The following KEAP1 variants were observed in gnomAD, a reference collection of about 807,000 sequenced individuals.
KEAP1 encodes kelch-like ECH-associated protein 1.
In KEAP1, 26 loss-of-function variants were observed where a neutral mutation model predicts 59.7. That is an observed-to-expected ratio of 0.44 (90% CI 0.32 to 0.60). The LOEUF is 0.60. Ranked by LOEUF, KEAP1 falls within the 20% of genes least tolerant of loss-of-function variation. KEAP1 has a pLI of 0.06. For missense variants in KEAP1, 539 were observed against 871.4 expected, an observed-to-expected ratio of 0.62 and a Z score of 4.80; for synonymous variants, 350 against 358.3, an observed-to-expected ratio of 0.98 and a Z score of 0.26.
intron 2 of KEAP1, among the ~76,000 whole-genome samples, chr19:10,496,061 C>T (rs1322744185): frequency 1.3e-5 from 2 of 151,918 alleles, no homozygotes; most frequent in Admixed American, 6.6e-5. Context: ...TGGTAGCTCA[C>T]GCCTGTAGTC....
rs1042518597 is a variant in KEAP1 at position 10,502,316 on chromosome 19, C to G, written c.-48+925G>C. 6.6e-6 allele frequency: 1 copy of G among 152,378 alleles called. No individual in the cohort carries two copies. 9.4% of individuals were successfully genotyped at this position (152,378 alleles called of 1,614,324 possible). A position where few individuals can be genotyped will look rare whatever the true frequency, so the allele number is the denominator to read the frequency against. The stretch of plus-strand genomic sequence containing the variant: ...CGGGCACTTCCCCCACCCTACAAAG[C>G]GGCAAGTGGGCGACTGCGCATGCCC... On this transcript the variant is annotated intron_variant, in intron 1 of 5. Coordinates refer to ENST00000171111, the MANE Select transcript of KEAP1 (RefSeq NM_203500.2). This position sits in a 1 kb window ranked among gnomAD's most constrained non-coding sequence, Gnocchi z 4.0.
In KEAP1 at chr19:10,502,171, TG is replaced by T. The variant is rs1915065131; in HGVS notation, c.-48+1069del. On this transcript the variant is annotated intron_variant, in intron 1 of 5. Coordinates refer to ENST00000171111, the MANE Select transcript of KEAP1 (RefSeq NM_203500.2). This position sits in a 1 kb window ranked among gnomAD's most constrained non-coding sequence, Gnocchi z 4.0. The stretch of plus-strand genomic sequence containing the variant: ...TGGTTGGCTAACTGCCCTGCCACCG[TG>T]CCTGCCAGAGCGGCCTCCTCCACCC... Among the ~76,000 whole-genome samples the T allele has an allele frequency of 6.6e-6, 1 of 152,180 alleles. No individual in the cohort carries two copies. The highest frequency in any genetic ancestry group is 2.4e-5 in the African/African-American group (1 of 41,470).
chr19:10,498,876 C>T (rs1027547541), intron 2 of KEAP1, among the ~76,000 whole-genome samples: 6 of 150,904 alleles, frequency 4.0e-5, no homozygotes, highest in African/African-American at 7.3e-5. Context: ...TGCTCTGTTG[C>T]GCAAGCTGGA....
At chr19:10,486,919 G>T in intron 5 of KEAP1, 101 bp from the exon 6 acceptor site, 1 of 1,273,338 alleles carries the variant, frequency 7.9e-7, no homozygotes, top group South Asian at 1.4e-5. Flanking sequence ...AAAGCAGGCC[G>T]GGCGTGGTGG....
chr19:10,486,847 C>CACCTGTCACACCACATCCAAG, intron 5 of KEAP1, 29 bp from the exon 6 acceptor site: 3 of 1,593,652 alleles, frequency 1.9e-6, no homozygotes, highest in Non-Finnish European at 2.6e-6. Flanking sequence ...GGATGGTCAC[C>CACCTGTCACACCACATCCAAG]ACCTGTCACA....
intron 1 of KEAP1, among the ~76,000 whole-genome samples, chr19:10,500,530 T>C (rs949293098): frequency 3.3e-5 from 5 of 152,098 alleles, no homozygotes; most frequent in Non-Finnish European, 5.9e-5. Flanking sequence ...GACACAGCAG[T>C]GAGCAAAATA....
chr19:10,500,188 A>C, intron 1 of KEAP1, 108 bp from the exon 2 acceptor site: 1 of 777,510 alleles, frequency 1.3e-6, no homozygotes, highest in Non-Finnish European at 2.0e-6. Flanking sequence ...TTTCCTGCAA[A>C]GTAGGTGAAG....
In KEAP1 at chr19:10,499,911, C is replaced by T. The variant is rs756383022; in HGVS notation, c.123G>A (p.Glu41=). 6.2e-7 allele frequency: 1 copy of T among 1,613,232 alleles called. No individual in the cohort carries two copies. Among genetic ancestry groups the T allele is most frequent in the South Asian group, 1.1e-5 (1 of 91,064 alleles). ...VMYASTECKA[E]VTPSQHGNRT... The stretch of plus-strand genomic sequence containing the variant: ...GGTTGCCATGCTGGGAGGGCGTCAC[C>T]TCCGCCTTGCACTCAGTGGAGGCGT... Residue 41 remains glutamate, a synonymous_variant, in exon 2 of 6, where the codon GAG becomes GAA. Coordinates refer to ENST00000171111, the MANE Select transcript of KEAP1 (RefSeq NM_203500.2). This position sits in a 1 kb window ranked among gnomAD's most constrained non-coding sequence, Gnocchi z 6.7.
chr19:10,490,039 C>G (rs928676131), intron 3 of KEAP1, among the ~76,000 whole-genome samples, 186 bp from the exon 4 acceptor site: 28 of 151,806 alleles, frequency 1.8e-4, no homozygotes, highest in African/African-American at 6.5e-4. Flanking sequence ...ATCACCTGAG[C>G]TCAGGAGTTT....
chr19:10,500,378 C>T (rs1249877587), intron 1 of KEAP1, among the ~76,000 whole-genome samples: 3 of 152,160 alleles, frequency 2.0e-5, no homozygotes, highest in Non-Finnish European at 4.4e-5. Flanking sequence ...GCAATTAGCC[C>T]CTGCCACCTC....
At chr19:10,490,156 G>T (rs947474450) in intron 3 of KEAP1, among the ~76,000 whole-genome samples, 16 of 151,616 alleles carry the variant, frequency 1.1e-4, no homozygotes, top group Admixed American at 2.6e-4. Flanking sequence ...GGAGGCTGAG[G>T]CGAGATAATC....
At chr19:10,488,911 A>G (rs1202611819) in intron 5 of KEAP1, among the ~76,000 whole-genome samples, 4 of 151,752 alleles carry the variant, frequency 2.6e-5, no homozygotes, top group Non-Finnish European at 5.9e-5. Flanking sequence ...AGCCTGGGCA[A>G]CACTGTGAGA....
rs1213672598 is a variant in KEAP1, at chr19:10,502,584, G to A, written c.-48+657C>T. 1 of 152,144 alleles carries A rather than the reference G, an allele frequency of 6.6e-6. No homozygotes were observed. Among genetic ancestry groups the A allele is most frequent in the Non-Finnish European group, 1.5e-5 (1 of 68,020 alleles). The allele number at this position is 152,144 out of a possible 1,614,324, so 9.4% of individuals were successfully genotyped here. A position where few individuals can be genotyped will look rare whatever the true frequency, so the allele number is the denominator to read the frequency against. ...TCCTGGCCCTCCGAGTCCTGGCGGGGAACTCGGAGGCGCCCTGGGCCGTGG... is the reference window on the plus strand; with the variant it reads ...TCCTGGCCCTCCGAGTCCTGGCGGGAAACTCGGAGGCGCCCTGGGCCGTGG... On this transcript the variant is annotated intron_variant, in intron 1 of 5. Coordinates refer to ENST00000171111, the MANE Select transcript of KEAP1 (RefSeq NM_203500.2). This position sits in a 1 kb window ranked among gnomAD's most constrained non-coding sequence, Gnocchi z 4.0.
intron 2 of KEAP1, among the ~76,000 whole-genome samples, chr19:10,496,180 C>A (rs532361764): frequency 1.5e-5 from 2 of 132,356 alleles, no homozygotes; most frequent in South Asian, 2.5e-4. Context: ...CAGAGTGAGA[C>A]CCTGTCTCTA....
At chr19:10,498,839 ATTT>A (rs35169125) in intron 2 of KEAP1, among the ~76,000 whole-genome samples, 1 of 145,448 alleles carries the variant, frequency 6.9e-6, no homozygotes, top group African/African-American at 2.5e-5. Flanking sequence ...TTGTTTTTTA[ATTT>A]TTTTTTTTTT....
intron 4 of KEAP1, 137 bp downstream of exon 4, chr19:10,489,511 C>G (rs1568397067): frequency 8.0e-7 from 1 of 1,255,816 alleles, no homozygotes; most frequent in Admixed American, 2.1e-5. Flanking sequence ...AGCTTGGACT[C>G]TATCAGAATC....
intron 2 of KEAP1, among the ~76,000 whole-genome samples, chr19:10,494,964 CTT>C (rs374012723): frequency 2.8e-5 from 4 of 142,816 alleles, no homozygotes; most frequent in African/African-American, 2.5e-5. Flanking sequence ...TCTTTTGTTT[CTT>C]TTTTTTTTTT....
At chr19:10,494,325 G>C (rs1393412003) in intron 2 of KEAP1, among the ~76,000 whole-genome samples, 1 of 144,016 alleles carries the variant, frequency 6.9e-6, no homozygotes, top group Non-Finnish European at 1.5e-5. Flanking sequence ...TACCTGGCTT[G>C]GCTTTTTTTT....
chr19:10,487,035 C>T (rs1321426049), intron 5 of KEAP1, among the ~76,000 whole-genome samples: 1 of 52,774 alleles, frequency 1.9e-5, no homozygotes, highest in African/African-American at 1.2e-4. Context: ...TAGTCTCTTA[C>T]TAAAAAAAAA....
Sources: allele counts gnomAD v4.1 joint callset (sites outside exome capture counted in the v4.1 genomes callset), GRCh38; gene constraint gnomAD v4.1.1; non-coding constraint Gnocchi (gnomAD v3.1); transcripts MANE v1.5; gene names NCBI Gene and HGNC (gene_info 2026-07-23, HGNC 2026-07-21).